IL1RAPL2: variants seen among roughly 807,000 people sequenced by gnomAD.
IL1RAPL2 encodes X-linked interleukin-1 receptor accessory protein-like 2.
A neutral mutation model predicts 44.1 loss-of-function variants in IL1RAPL2; 3 were observed. That is an observed-to-expected ratio of 0.07 (90% confidence interval 0.03 to 0.18). The LOEUF is 0.18. IL1RAPL2 is among the 10% of genes least tolerant of loss of function. The pLI is 1.00. For missense variants in IL1RAPL2, 391 were observed against 496.4 expected, an observed-to-expected ratio of 0.79 and a Z score of 2.02; for synonymous variants, 181 against 178.8, an observed-to-expected ratio of 1.01 and a Z score of -0.10.
intron 2 of IL1RAPL2, among the ~76,000 whole-genome samples, chrX:104,875,891 C>G (rs1168800835): frequency 9.0e-6 from 1 of 110,571 alleles, no homozygotes. Context: ...AATATAAGCT[C>G]TATGAGAACA....
At chrX:105,711,914 A>G (rs1228840132) in intron 6 of IL1RAPL2, among the ~76,000 whole-genome samples, 3 of 112,370 alleles carry the variant, frequency 2.7e-5, no homozygotes, top group Admixed American at 9.4e-5. Context: ...CCTGTCCCAT[A>G]TCCTGGGTAC....
intron 2 of IL1RAPL2, among the ~76,000 whole-genome samples, chrX:105,039,818 A>G (rs2031692767): frequency 1.8e-5 from 2 of 111,641 alleles, no homozygotes; most frequent in South Asian, 7.5e-4. Flanking sequence ...CAATCATGTC[A>G]TCTGCAAACA....
At chrX:104,945,098 T>C (rs780879703) in intron 2 of IL1RAPL2, among the ~76,000 whole-genome samples, 107 of 111,731 alleles carry the variant, frequency 9.6e-4, no homozygotes, top group African/African-American at 3.4e-3. Flanking sequence ...GTTTGGAGCA[T>C]TACATTTTAC....
At position 105,487,031 on chromosome X, in the gene IL1RAPL2, G is replaced by T. The variant is rs190890115; in HGVS notation, c.772+2644G>T. Among the ~76,000 whole-genome samples the T allele has an allele frequency of 3.2e-3, 327 of 102,082 alleles. 8 individuals carry two copies. The highest frequency in any genetic ancestry group is 0.026 in the Admixed American group (241 of 9,242). 88.6% of individuals were successfully genotyped at this position (102,082 alleles called of 115,157 possible). ...GGTGTGAACCCTGGAGGTGGAGCTT[G>T]CAGTGAGCTGAGATCATGCCACTGC... On this transcript the variant is annotated intron_variant, in intron 6 of 10. Transcript: ENST00000372582.
intron 2 of IL1RAPL2, among the ~76,000 whole-genome samples, chrX:104,744,229 A>T (rs886440730): frequency 2.7e-5 from 3 of 110,968 alleles, no homozygotes; most frequent in Non-Finnish European, 3.8e-5. Context: ...AATAAGGATA[A>T]CCGCACTTCA....
chrX:105,423,409 A>G (rs146250568), intron 5 of IL1RAPL2, among the ~76,000 whole-genome samples: 2,049 of 111,942 alleles, frequency 0.018, 48 homozygotes, highest in African/African-American at 0.063. Flanking sequence ...TTTCAAACAA[A>G]AAGTGAGAAC....
chrX:104,603,322 T>G (rs1279387348), intron 1 of IL1RAPL2, among the ~76,000 whole-genome samples: 1 of 111,301 alleles, frequency 9.0e-6, no homozygotes, highest in Admixed American at 9.6e-5. Flanking sequence ...AGACCAAAGG[T>G]AGATAAATCC....
At chrX:105,585,515 C>G (rs1204861841) in intron 6 of IL1RAPL2, among the ~76,000 whole-genome samples, 10 of 110,923 alleles carry the variant, frequency 9.0e-5, no homozygotes, top group Non-Finnish European at 3.8e-5. Flanking sequence ...TGCTCTCCCC[C>G]ACCTGCTGTC....
At chrX:104,846,361 G>T (rs755576774) in intron 2 of IL1RAPL2, among the ~76,000 whole-genome samples, 1 of 107,014 alleles carries the variant, frequency 9.3e-6, no homozygotes, top group Non-Finnish European at 1.9e-5. Flanking sequence ...CCCACCCCAC[G>T]ACAGGCCCCG....
intron 2 of IL1RAPL2, among the ~76,000 whole-genome samples, chrX:104,758,908 G>C (rs1932382686): frequency 9.0e-6 from 1 of 111,298 alleles, no homozygotes; most frequent in South Asian, 3.8e-4. Flanking sequence ...GTCAGACCAG[G>C]CTCCCTCCAA....
At chrX:104,836,175 GCATGTTCTCACT>G (rs1921736764) in intron 2 of IL1RAPL2, among the ~76,000 whole-genome samples, 1 of 111,235 alleles carries the variant, frequency 9.0e-6, no homozygotes, top group Admixed American at 9.7e-5. Flanking sequence ...GACAAACACA[GCATGTTCTCACT>G]CATCTGTGGG....
chrX:105,448,587 A>G (rs1012217338), intron 5 of IL1RAPL2, among the ~76,000 whole-genome samples: 4 of 110,435 alleles, frequency 3.6e-5, no homozygotes, highest in Non-Finnish European at 7.6e-5. Context: ...CTGGTCTCAA[A>G]CTGCTGACCT....
At chrX:105,393,728 A>T (rs2035543084) in intron 5 of IL1RAPL2, among the ~76,000 whole-genome samples, 1 of 111,804 alleles carries the variant, frequency 8.9e-6, no homozygotes, top group South Asian at 3.7e-4. Flanking sequence ...TCCCTAGTTA[A>T]GAGAAATTTT....
At chrX:105,274,979 G>A (rs915753835) in intron 5 of IL1RAPL2, among the ~76,000 whole-genome samples, 22 of 111,896 alleles carry the variant, frequency 2.0e-4, no homozygotes, top group Middle Eastern at 4.6e-3. Context: ...GAGAGGCTGA[G>A]GTGGGTGGAT....
At chrX:105,031,924 G>C (rs745476429) in intron 2 of IL1RAPL2, among the ~76,000 whole-genome samples, 27 of 111,778 alleles carry the variant, frequency 2.4e-4, no homozygotes, top group Non-Finnish European at 4.5e-4. Context: ...GGTCTCTTCA[G>C]AGATTCAACT....
At chrX:105,114,182 A>C (rs912414778) in intron 2 of IL1RAPL2, among the ~76,000 whole-genome samples, 1 of 111,851 alleles carries the variant, frequency 8.9e-6, no homozygotes, top group Admixed American at 9.4e-5. Flanking sequence ...CAGAGACCTC[A>C]AAGAGTTCCC....
chrX:105,568,925 G>A (rs773938962), intron 6 of IL1RAPL2, among the ~76,000 whole-genome samples: 1 of 111,716 alleles, frequency 9.0e-6, no homozygotes, highest in East Asian at 2.8e-4. Context: ...CATAGACCCT[G>A]ATTTCTGGAG....
intron 5 of IL1RAPL2, among the ~76,000 whole-genome samples, chrX:105,272,283 A>T (rs901715781): frequency 1.2e-4 from 13 of 106,332 alleles, no homozygotes; most frequent in African/African-American, 2.8e-4. Context: ...AAAGTATAAT[A>T]AAAAAAAAAG....
chrX:105,227,842 C>T (rs1313480550), intron 3 of IL1RAPL2, among the ~76,000 whole-genome samples: 1 of 112,027 alleles, frequency 8.9e-6, no homozygotes, highest in Non-Finnish European at 1.9e-5. Context: ...GCAATTTAAA[C>T]TTTTTTAAAT....
Sources: gnomAD v4.1 joint callset for allele counts (sites outside exome capture counted in the v4.1 genomes callset) on GRCh38, gnomAD v4.1.1 for gene constraint, MANE v1.5 for transcripts, NCBI Gene and HGNC (gene_info 2026-07-23, HGNC 2026-07-21) for gene names.